The following ADAMTS14 variants were observed in gnomAD, a reference collection of about 807,000 sequenced individuals.
ADAMTS14 encodes ADAM metallopeptidase with thrombospondin type 1 motif 14.
A neutral mutation model predicts 128.6 loss-of-function variants in ADAMTS14; 100 were observed. The observed-to-expected ratio is 0.78, with a 90% CI of 0.66 to 0.92. The LOEUF is 0.92. Among genes scored for constraint, ADAMTS14 ranks in the 40% least tolerant of loss-of-function variants. ADAMTS14 has a pLI of 0.00. For synonymous variants in ADAMTS14, 665 were observed against 653.8 expected (o/e 1.02, Z -0.26); for missense variants, 1,562 against 1,658.6 (o/e 0.94, Z 1.01).
At chr10:70,714,602 A>G (rs561427557) in intron 4 of ADAMTS14, among the ~76,000 whole-genome samples, 9 of 152,298 alleles carry the variant, frequency 5.9e-5, no homozygotes, top group African/African-American at 1.9e-4. Context: ...TTGATTTGCC[A>G]GTTCCTTGTA....
At chr10:70,688,846 AGGGGGAGG>A (rs1441635253) in intron 2 of ADAMTS14, among the ~76,000 whole-genome samples, 3 of 5,186 alleles carry the variant, frequency 5.8e-4, no homozygotes, top group Non-Finnish European at 1.4e-3. Flanking sequence ...GGGAGACCGG[AGGGGGAGG>A]GGGAGGGGGA....
intron 3 of ADAMTS14, among the ~76,000 whole-genome samples, chr10:70,705,232 C>G (rs896638364): frequency 1.3e-5 from 2 of 152,192 alleles, no homozygotes; most frequent in Admixed American, 6.5e-5. Flanking sequence ...GCGGCCCTGC[C>G]TTGGCCCCTG....
chr10:70,688,287 G>T (rs1840052622), intron 2 of ADAMTS14, among the ~76,000 whole-genome samples: 1 of 71,812 alleles, frequency 1.4e-5, no homozygotes, highest in African/African-American at 5.0e-5. Context: ...GGGCAGAGAG[G>T]CTCCTCACTT....
At chr10:70,743,098 C>G (rs2132711468) in intron 12 of ADAMTS14, among the ~76,000 whole-genome samples, 1 of 152,312 alleles carries the variant, frequency 6.6e-6, no homozygotes, top group Admixed American at 6.5e-5. Context: ...CTTAACCTCT[C>G]TGGTCCTCAA....
intron 2 of ADAMTS14, among the ~76,000 whole-genome samples, chr10:70,696,406 G>A (rs576676896): frequency 6.6e-6 from 1 of 151,648 alleles, no homozygotes; most frequent in African/African-American, 2.4e-5. Context: ...GACACAGACC[G>A]TTAAGCTGTT....
intron 7 of ADAMTS14, among the ~76,000 whole-genome samples, 164 bp from the exon 8 acceptor site, chr10:70,733,721 G>A (rs1283172837): frequency 6.6e-6 from 1 of 152,246 alleles, no homozygotes; most frequent in Non-Finnish European, 1.5e-5. Context: ...GCCTTGGAGA[G>A]AAGATTGGTC....
intron 21 of ADAMTS14, 110 bp downstream of exon 21, chr10:70,758,395 C>A: frequency 1.1e-6 from 1 of 910,134 alleles, no homozygotes; most frequent in Non-Finnish European, 1.6e-6. Context: ...GTCTGTGTGA[C>A]CTTCACCTCC....
chr10:70,705,855 A>G (rs959081441), intron 3 of ADAMTS14, among the ~76,000 whole-genome samples: 3 of 152,322 alleles, frequency 2.0e-5, no homozygotes, highest in African/African-American at 4.8e-5. Flanking sequence ...AGTTGTTTCT[A>G]TCTTTTGGCT....
At chr10:70,751,010 AAACTT>A in intron 16 of ADAMTS14, among the ~76,000 whole-genome samples, 1 of 152,232 alleles carries the variant, frequency 6.6e-6, no homozygotes, top group Non-Finnish European at 1.5e-5. Context: ...TCAAGATTGA[AAACTT>A]AAGTGCATCA....
Position 70,749,997 on chromosome 10 carries a change from T to C in ADAMTS14, c.2427+12T>C, listed in dbSNP as rs569651354. On this transcript the variant is annotated intron_variant, in intron 16 of 21. Transcript: ENST00000373207. ...CCATTGCCATCCTGGTGAGCCCCAC[T>C]CTGTGCGGTGGCAACCCCTGCCCAC... is the stretch of plus-strand genomic sequence containing the variant. 3.7e-6 allele frequency: 6 copies of C among 1,613,296 alleles called. No homozygotes were observed. In the East Asian group the frequency reaches 1.3e-4, roughly 36 times the overall value.
chr10:70,696,893 A>T (rs1840347257), intron 2 of ADAMTS14, among the ~76,000 whole-genome samples: 1 of 152,148 alleles, frequency 6.6e-6, no homozygotes, highest in African/African-American at 2.4e-5. Context: ...CCACCCATTG[A>T]GGAATCTGGT....
intron 2 of ADAMTS14, among the ~76,000 whole-genome samples, chr10:70,698,930 TG>T (rs1840414206): frequency 6.6e-6 from 1 of 152,270 alleles, no homozygotes; most frequent in East Asian, 1.9e-4. Context: ...GTAAGAATCC[TG>T]GGGAGTGGGA....
At chr10:70,678,994 G>A (rs1042768678) in intron 2 of ADAMTS14, among the ~76,000 whole-genome samples, 2 of 152,204 alleles carry the variant, frequency 1.3e-5, no homozygotes, top group Non-Finnish European at 2.9e-5. Flanking sequence ...TGTCCTAGCT[G>A]TGGGAGGGGA....
intron 2 of ADAMTS14, among the ~76,000 whole-genome samples, chr10:70,676,722 C>T (rs1210716904): frequency 3.9e-5 from 6 of 152,266 alleles, no homozygotes; most frequent in African/African-American, 1.4e-4. Flanking sequence ...CTCTGTGCCA[C>T]AGGGGCCCTT....
At chr10:70,753,059 C>T (rs758689419) in intron 18 of ADAMTS14, among the ~76,000 whole-genome samples, 17 of 152,228 alleles carry the variant, frequency 1.1e-4, no homozygotes, top group East Asian at 3.8e-4. Context: ...AGTTCCTGGC[C>T]GGTATCCCCC....
chr10:70,743,794 C>T (rs1842083928), intron 13 of ADAMTS14, 113 bp downstream of exon 13: 3 of 1,390,232 alleles, frequency 2.2e-6, no homozygotes, highest in Non-Finnish European at 2.9e-6. Context: ...CTCGCAACAC[C>T]CTGTTGGTCC....
chr10:70,760,836 G>A lies in ADAMTS14; in HGVS notation c.3655G>A (p.Ala1219Thr). Residue 1219 changes from alanine to threonine, a missense_variant, in exon 22 of 22, where the codon GCC (alanine) becomes ACC (threonine). By Grantham distance (58) the Ala-to-Thr change is moderately conservative. Transcript: ENST00000373207. Reference protein sequence around the residue: ...LRHPGTSLPAASPVT With the variant: ...LRHPGTSLPATSPVT ...ACATCCCGGCACCAGCCTCCCTGCT[G>A]CCTCCCCGGTGACATGAGCTGTGCC... 6.3e-7 allele frequency: 1 copy of A among 1,577,396 alleles called. No individual in the cohort carries two copies. Among genetic ancestry groups the A allele is most frequent in the South Asian group, 1.2e-5 (1 of 84,860 alleles).
At chr10:70,756,362 G>A (rs565137821) in intron 19 of ADAMTS14, among the ~76,000 whole-genome samples, 1 of 152,258 alleles carries the variant, frequency 6.6e-6, no homozygotes, top group African/African-American at 2.4e-5. Context: ...ATAATATATA[G>A]CTTCATTTGT....
chr10:70,710,020 A>T (rs529916940), intron 4 of ADAMTS14, among the ~76,000 whole-genome samples: 257 of 152,198 alleles, frequency 1.7e-3, no homozygotes, highest in Non-Finnish European at 2.9e-3. Context: ...GTGAGGTGAG[A>T]CCCAAGGTAG....
Sources: gnomAD v4.1 joint callset for allele counts (sites outside exome capture counted in the v4.1 genomes callset) on GRCh38, gnomAD v4.1.1 for gene constraint, MANE v1.5 for transcripts, NCBI Gene and HGNC (gene_info 2026-07-23, HGNC 2026-07-21) for gene names.